Variants in DIP2C observed in about 807,000 individuals in gnomAD.
The protein encoded by DIP2C is DIP2 acetate--CoA ligase C (putative).
DIP2C carries 33 observed loss-of-function variants against 192.4 expected under a neutral mutation model. The observed-to-expected ratio is 0.17, with a 90% CI of 0.13 to 0.23. The LOEUF is 0.23. Among genes scored for constraint, DIP2C ranks in the 10% least tolerant of loss-of-function variants. DIP2C has a pLI of 1.00. For synonymous variants in DIP2C, 979 were observed against 864.1 expected (o/e 1.13, Z -2.33); for missense variants, 1,537 against 2,110.1 (o/e 0.73, Z 5.32).
At chr10:325,529 T>C (rs1421420044) in intron 31 of DIP2C, among the ~76,000 whole-genome samples, 1 of 152,272 alleles carries the variant, frequency 6.6e-6, no homozygotes, top group East Asian at 1.9e-4. Context: ...TGATTTCCTC[T>C]TGCCCGGGGG....
intron 34 of DIP2C, among the ~76,000 whole-genome samples, chr10:284,619 G>A (rs1955002307): frequency 6.6e-6 from 1 of 152,238 alleles, no homozygotes; most frequent in East Asian, 1.9e-4. Flanking sequence ...TGACGGGCAA[G>A]GGTGCAAACC....
intron 1 of DIP2C, among the ~76,000 whole-genome samples, chr10:604,138 C>A (rs925224779): frequency 6.6e-6 from 1 of 151,774 alleles, no homozygotes; most frequent in Non-Finnish European, 1.5e-5. Flanking sequence ...GGACACTGGA[C>A]CCACCTGGAC....
intron 3 of DIP2C, among the ~76,000 whole-genome samples, chr10:457,342 G>C (rs980371420): frequency 5.3e-5 from 8 of 151,988 alleles, no homozygotes; most frequent in East Asian, 1.9e-4. Flanking sequence ...TTAATATAAA[G>C]ATTTTAGTCT....
intron 1 of DIP2C, among the ~76,000 whole-genome samples, chr10:497,717 G>A (rs551268412): frequency 1.3e-5 from 2 of 152,182 alleles, no homozygotes; most frequent in African/African-American, 4.8e-5. Flanking sequence ...GGTAATGTTA[G>A]GGCACCTGGC....
intron 1 of DIP2C, among the ~76,000 whole-genome samples, chr10:561,154 T>C (rs1849193674): frequency 6.6e-6 from 1 of 152,240 alleles, no homozygotes. Flanking sequence ...ACCTTGGGAA[T>C]AGGTTCTTAG....
chr10:433,713 A>C (rs1966950251), intron 4 of DIP2C, among the ~76,000 whole-genome samples: 1 of 152,132 alleles, frequency 6.6e-6, no homozygotes, highest in South Asian at 2.1e-4. Flanking sequence ...TAGTGTTAAC[A>C]TTTATATCTT....
intron 2 of DIP2C, among the ~76,000 whole-genome samples, chr10:475,513 G>A (rs763523804): frequency 5.9e-5 from 9 of 152,132 alleles, no homozygotes; most frequent in Non-Finnish European, 1.0e-4. Flanking sequence ...GCCCATGGAC[G>A]ATGGTGCACG....
At chr10:296,853 A>C (rs963801667) in intron 32 of DIP2C, among the ~76,000 whole-genome samples, 2 of 130,890 alleles carry the variant, frequency 1.5e-5, no homozygotes, top group African/African-American at 5.9e-5. Context: ...ACACTTGGAC[A>C]CAGGAAGGGG....
At chr10:460,151 A>G (rs997658888) in intron 3 of DIP2C, among the ~76,000 whole-genome samples, 1 of 151,792 alleles carries the variant, frequency 6.6e-6, no homozygotes, top group East Asian at 1.9e-4. Flanking sequence ...CATGCTGCAC[A>G]TGAGCTCTAG....
At chr10:545,166 C>CCCTTTTTTTTTT (rs1554896881) in intron 1 of DIP2C, among the ~76,000 whole-genome samples, 16 of 86,340 alleles carry the variant, frequency 1.9e-4, no homozygotes, top group African/African-American at 6.8e-4. Context: ...GGTGTTTTCC[C>CCCTTTTTTTTTT]TTTTTTTTTT....
chr10:290,189 G>A (rs1400749761), intron 32 of DIP2C, among the ~76,000 whole-genome samples: 1 of 152,214 alleles, frequency 6.6e-6, no homozygotes. Flanking sequence ...CATTAACTCT[G>A]TGGTGTCTGT....
At chr10:296,789 C>A (rs1286034917) in intron 32 of DIP2C, among the ~76,000 whole-genome samples, 2 of 148,910 alleles carry the variant, frequency 1.3e-5, no homozygotes, top group African/African-American at 5.0e-5. Flanking sequence ...ATCACAAGGA[C>A]AGAAAACCAA....
intron 1 of DIP2C, among the ~76,000 whole-genome samples, chr10:656,492 T>C (rs1254879143): frequency 6.6e-6 from 1 of 152,240 alleles, no homozygotes; most frequent in Non-Finnish European, 1.5e-5. Context: ...CAGTGCGGTA[T>C]TCAAATGTGA....
At chr10:638,994 ACGGAGC>A (rs1437169812) in intron 1 of DIP2C, among the ~76,000 whole-genome samples, 1 of 152,214 alleles carries the variant, frequency 6.6e-6, no homozygotes, top group East Asian at 1.9e-4. Flanking sequence ...AGGACGAGAC[ACGGAGC>A]CCGCACACAA....
chr10:303,237 G>A lies in DIP2C; in HGVS notation c.3986+6794C>T, dbSNP rs866364663. ...TAGACTTTGTAAAAACTACTCGCGA[G>A]CTAAGACATCACTGCATGAGGCTGT... On this transcript the variant is annotated intron_variant, in intron 32 of 36. Transcript: ENST00000280886. Among the ~76,000 whole-genome samples the A allele has an allele frequency of 5.3e-5, 8 of 151,986 alleles. 1 individual carries two copies. In the Middle Eastern group the frequency reaches 0.017, roughly 325 times the overall value.
chr10:360,351 C>T lies in DIP2C; in HGVS notation c.2794+2139G>A, dbSNP rs1301818639. 2.6e-5 allele frequency among the ~76,000 whole-genome samples: 4 copies of T among 152,306 alleles called. No homozygotes were observed. The East Asian group carries it at 7.7e-4, about 29-fold the overall frequency. On this transcript the variant is annotated intron_variant, in intron 22 of 36. Coordinates refer to ENST00000280886, the MANE Select transcript of DIP2C (RefSeq NM_014974.3). ...AAATGCCCCCAGGGTATATCACAGC[C>T]TCGCCATTTAAGCTACAGAGTTGAG...
chr10:327,154 C>T lies in DIP2C; in HGVS notation c.3776G>A (p.Arg1259Gln), dbSNP rs1325567676. ...SLKARGLDLS[R>Q]VRTCVVVAEE... ...CGCCACAACCACGCAGGTCCTCACT[C>T]GGGACAAGTCCAGCCCTCGCGCCTG... is the stretch of plus-strand genomic sequence containing the variant. Residue 1259 changes from arginine (R) to glutamine (Q), a missense_variant, in exon 31 of 37, where the codon CGA becomes CAA. Physicochemically the swap from Arg to Gln is conservative, Grantham distance 43. Transcript: ENST00000280886. 5 of 1,613,950 alleles carry T rather than the reference C, an allele frequency of 3.1e-6. No homozygotes were observed. The highest frequency in any genetic ancestry group is 1.7e-4 in the Middle Eastern group (1 of 6,058).
At chr10:401,901 G>A (rs1354069376) in intron 9 of DIP2C, among the ~76,000 whole-genome samples, 3 of 147,070 alleles carry the variant, frequency 2.0e-5, no homozygotes, top group African/African-American at 5.1e-5. Flanking sequence ...CATGAATCCT[G>A]TGATTTTACA....
chr10:565,457 TAC>T (rs1346609871), intron 1 of DIP2C, among the ~76,000 whole-genome samples: 12 of 151,048 alleles, frequency 7.9e-5, no homozygotes, highest in South Asian at 2.1e-4. Context: ...TGTCAGCAAC[TAC>T]AGTCAGCCCA....
Sources: allele counts gnomAD v4.1 joint callset (sites outside exome capture counted in the v4.1 genomes callset), GRCh38; gene constraint gnomAD v4.1.1; transcripts MANE v1.5; gene names NCBI Gene and HGNC (gene_info 2026-07-23, HGNC 2026-07-21).